SECISBP2L: variants seen among roughly 807,000 people sequenced by gnomAD.
The protein encoded by SECISBP2L is selenocysteine insertion sequence-binding protein 2-like.
Under a neutral mutation model 114.7 loss-of-function variants are expected in SECISBP2L, and 43 were observed. The observed-to-expected ratio is 0.38, with a 90% CI of 0.29 to 0.48. SECISBP2L has a LOEUF of 0.48. SECISBP2L is among the 20% of genes least tolerant of loss of function. SECISBP2L has a pLI of 0.98. For missense variants in SECISBP2L, 1,136 were observed against 1,301.1 expected (o/e 0.87, Z 1.95); for synonymous variants, 451 against 439.7 (o/e 1.03, Z -0.32).
chr15:48,996,397 G>A lies in SECISBP2L; in HGVS notation c.2593C>T (p.Pro865Ser). ...TCCTTTTCATTTACTTCAGAGATCGGTTCAGAAATAACACTGCAGAAAGAA... is the reference window on the plus strand; with the variant it reads ...TCCTTTTCATTTACTTCAGAGATCGATTCAGAAATAACACTGCAGAAAGAA... ...AISFCSVISEPISEVNEKEYE... is the reference protein window; with the variant it reads ...AISFCSVISESISEVNEKEYE... The change falls in exon 17 of 18, where the codon CCG (proline) becomes TCG (serine). Residue 865 changes from proline to serine, a missense_variant. Physicochemically the swap from Pro to Ser is moderately conservative, Grantham distance 74. Around this residue, in one of 2 missense-constraint regions of SECISBP2L, gnomAD observed 684 missense variants for 848.7 expected, o/e 0.81. Transcript: ENST00000559471. 3.1e-6 allele frequency: 5 copies of A among 1,613,984 alleles called. No individual in the cohort carries two copies. Among genetic ancestry groups the A allele is most frequent in the Non-Finnish European group, 4.2e-6 (5 of 1,179,970 alleles).
intron 14 of SECISBP2L, among the ~76,000 whole-genome samples, chr15:49,004,400 G>GT (rs1902272921): frequency 6.6e-6 from 1 of 152,072 alleles, no homozygotes; most frequent in Non-Finnish European, 1.5e-5. Flanking sequence ...TTCATTGACT[G>GT]TTTGAAGGGT....
At chr15:49,028,381 C>G (rs1902801353) in intron 5 of SECISBP2L, 72 bp downstream of exon 5, 2 of 1,425,276 alleles carry the variant, frequency 1.4e-6, no homozygotes, top group Non-Finnish European at 9.8e-7. Context: ...GATACTTAAG[C>G]TTTAGCAGAG....
intron 12 of SECISBP2L, 130 bp from the exon 13 acceptor site, chr15:49,011,993 A>T: frequency 1.1e-6 from 1 of 944,076 alleles, no homozygotes; most frequent in East Asian, 2.5e-5. Context: ...GCTAACTGGC[A>T]AAAAGGCAAA....
At position 49,009,329 on chromosome 15, in the gene SECISBP2L, C is replaced by T. The variant is rs377279469; in HGVS notation, c.1914G>A (p.Gln638=). 5 of 1,613,984 alleles carry T rather than the reference C, an allele frequency of 3.1e-6. No homozygotes were observed. In the African/African-American group the frequency reaches 6.7e-5, roughly 22 times the overall value. Residue 638 remains glutamine (Q), a synonymous_variant, in exon 14 of 18, where the codon CAG becomes CAA. Transcript: ENST00000559471. ...CAGGTGTCATACAGTATGGAGAGTT[C>T]TGACTTGCTGGAGAGAGTGAAGTAT... is the stretch of plus-strand genomic sequence containing the variant. ...PSDTSLSPAS[Q]NSPYCMTPVS...
At chr15:49,026,666 A>T (rs1902749752) in intron 7 of SECISBP2L, among the ~76,000 whole-genome samples, 2 of 152,198 alleles carry the variant, frequency 1.3e-5, no homozygotes, top group Admixed American at 1.3e-4. Context: ...CCCATTAGTA[A>T]CTTGCTCCTA....
At position 48,992,804 on chromosome 15, in the gene SECISBP2L, G is replaced by C. The variant is rs34895054; in HGVS notation, c.2746C>G (p.Pro916Ala). Residue 916 changes from proline (P) to alanine (A), a missense_variant, in exon 18 of 18, where the codon CCA (proline) becomes GCA (alanine). Pro to Ala is a conservative substitution (Grantham distance 27). Around this residue, in one of 2 missense-constraint regions of SECISBP2L, gnomAD observed 684 missense variants for 848.7 expected, o/e 0.81. Transcript: ENST00000559471. ...ACTAATGATGGCTGCTTACCAATTG[G>C]GGGTGTGTCAAATGGAAGTTTACTG... ...KPSKLPFDTPPIGKQPSLVAT... is the reference protein window; with the variant it reads ...KPSKLPFDTPAIGKQPSLVAT... 0.25 allele frequency: 406,512 copies of C among 1,613,890 alleles called. 53,642 individuals carry two copies. The highest frequency in any genetic ancestry group is 0.36 in the Middle Eastern group (2,156 of 6,062).
At chr15:48,996,814 C>T (rs911799680) in intron 16 of SECISBP2L, among the ~76,000 whole-genome samples, 3 of 152,204 alleles carry the variant, frequency 2.0e-5, no homozygotes, top group Non-Finnish European at 2.9e-5. Context: ...GATTCCAACA[C>T]TAGCCACTAA....
chr15:48,995,503 C>T (rs550771610), intron 17 of SECISBP2L, among the ~76,000 whole-genome samples: 80 of 151,694 alleles, frequency 5.3e-4, no homozygotes, highest in African/African-American at 1.8e-3. Context: ...TTTTTTTACA[C>T]GTTAAATTTT....
Position 49,016,853 on chromosome 15 carries a change from A to AT in SECISBP2L, c.1413dup (p.Leu472IlefsTer14), listed in dbSNP as rs768725524. 6.8e-6 allele frequency: 11 copies of AT among 1,608,844 alleles called. No homozygotes were observed. Among genetic ancestry groups the AT allele is most frequent in the Admixed American group, 5.1e-5 (3 of 59,046 alleles). ...TCATAAAAATGAATATGTACCTGTA[A>AT]TTTTTTTTGCTCCATACTTATTTCT... On this transcript the variant is annotated frameshift_variant, in exon 10 of 18. Transcript: ENST00000559471. LOFTEE classifies it high-confidence loss of function.
intron 1 of SECISBP2L, among the ~76,000 whole-genome samples, chr15:49,043,178 G>T (rs183465121): frequency 6.6e-6 from 1 of 151,920 alleles, no homozygotes; most frequent in African/African-American, 2.4e-5. Context: ...CCAACTATAC[G>T]TATTACTGAA....
Position 49,011,742 on chromosome 15 carries a change from A to G in SECISBP2L, c.1853T>C (p.Val618Ala), listed in dbSNP as rs769825283. Residue 618 changes from valine (V) to alanine (A), a missense_variant, in exon 13 of 18, where the codon GTT becomes GCT. Val to Ala is a moderately conservative substitution (Grantham distance 64, BLOSUM62 0). Transcript: ENST00000559471. ...DFIDDLPQEI[V>A]SQEDTGLSMP... ...GGGGAGCTCCTTACCTTCCTGGGAA[A>G]CAATCTCCTGTGGCAAGTCATCAAT... 2.5e-6 allele frequency: 4 copies of G among 1,614,044 alleles called. No homozygotes were observed. Among genetic ancestry groups the G allele is most frequent in the Non-Finnish European group, 3.4e-6 (4 of 1,179,934 alleles).
rs1902008152 is a variant in SECISBP2L at position 48,992,713 on chromosome 15, ACTT to A, written c.2834_2836del (p.Glu945del). The A allele has an allele frequency of 2.5e-6, 4 of 1,614,036 alleles. No homozygotes were observed. The highest frequency in any genetic ancestry group is 3.4e-6 in the Non-Finnish European group (4 of 1,180,022). Reference sequence around the variant, plus strand: ...GGCCCATTCCAGGTCATCTGGCTTCACTTCCTCTTTATCACTTGCTGTGGATTT... The same window carrying A: ...GGCCCATTCCAGGTCATCTGGCTTCACCTCTTTATCACTTGCTGTGGATTT... On this transcript the variant is annotated inframe_deletion, in exon 18 of 18. Transcript: ENST00000559471.
chr15:49,042,419 CAG>C (rs1903160033), intron 1 of SECISBP2L: 2 of 152,320 alleles, frequency 1.3e-5, no homozygotes, highest in South Asian at 4.1e-4. Flanking sequence ...TGATCAGCAC[CAG>C]AGTTTCTACA....
intron 13 of SECISBP2L, among the ~76,000 whole-genome samples, chr15:49,010,554 G>A (rs1427734105): frequency 1.3e-5 from 2 of 151,550 alleles, no homozygotes; most frequent in Non-Finnish European, 2.9e-5. Context: ...TTTGTCATCC[G>A]GGCTGGAGTG....
rs747238285 is a variant in SECISBP2L, at chr15:49,028,525, G to A, written c.822C>T (p.Tyr274=). 1.9e-5 allele frequency: 30 copies of A among 1,614,142 alleles called. No homozygotes were observed. The highest frequency in any genetic ancestry group is 2.3e-5 in the Non-Finnish European group (27 of 1,180,010). ...SEADIDSDSG[Y]CSPKHSNNQP... ...GGTTGTTGCTGTGTTTGGGACTGCA[G>A]TAACCACTATCACTGTCAATGTCGG... Residue 274 remains tyrosine (Y), a synonymous_variant, in exon 5 of 18, where the codon TAC becomes TAT. Coordinates refer to ENST00000559471, the MANE Select transcript of SECISBP2L (RefSeq NM_001193489.2).
chr15:49,030,386 C>T (rs1199013116), intron 4 of SECISBP2L, among the ~76,000 whole-genome samples: 1 of 152,188 alleles, frequency 6.6e-6, no homozygotes, highest in Admixed American at 6.5e-5. Context: ...CATTTGGATA[C>T]ATTCATAGGA....
At chr15:49,016,765 G>A (rs1451573407) in intron 10 of SECISBP2L, 64 bp from the exon 11 acceptor site, 6 of 1,526,598 alleles carry the variant, frequency 3.9e-6, no homozygotes, top group Non-Finnish European at 5.3e-6. Flanking sequence ...ATTTTAAGAT[G>A]ACTACATTTA....
At chr15:49,017,455 T>C (rs1902559021) in intron 9 of SECISBP2L, 93 bp downstream of exon 9, 2 of 793,980 alleles carry the variant, frequency 2.5e-6, no homozygotes, top group Non-Finnish European at 4.2e-6. Context: ...TGCTGCTCCA[T>C]GTGCCTTTAC....
intron 1 of SECISBP2L, among the ~76,000 whole-genome samples, chr15:49,039,450 C>T (rs1903075486): frequency 6.6e-6 from 1 of 151,042 alleles, no homozygotes; most frequent in Non-Finnish European, 1.5e-5. Context: ...TTCACACATA[C>T]ATGCATAAGA....
Sources: gnomAD v4.1 joint callset for allele counts (sites outside exome capture counted in the v4.1 genomes callset) on GRCh38, gnomAD v4.1.1 for gene constraint, gnomAD v4.1.1 regional missense constraint, MANE v1.5 for transcripts, NCBI Gene and HGNC (gene_info 2026-07-23, HGNC 2026-07-21) for gene names.